The following RARB variants were observed in gnomAD, a reference collection of about 807,000 sequenced individuals.
RARB encodes retinoic acid receptor beta, also known as HBV-activated protein.
RARB carries 17 observed loss-of-function variants against 51.9 expected under a neutral mutation model. The ratio of observed to expected loss-of-function variants is 0.33; its 90% confidence interval spans 0.22 to 0.49. The LOEUF is 0.49. Among genes scored for constraint, RARB ranks in the 20% least tolerant of loss-of-function variants. The probability of loss-of-function intolerance (pLI) is 0.99; values close to 1 mark genes in which losing one functional copy is unlikely to be tolerated. For missense variants in RARB, 369 were observed against 550.8 expected (o/e 0.67, Z 3.30); for synonymous variants, 215 against 195.4 (o/e 1.10, Z -0.84).
intron 3 of RARB, among the ~76,000 whole-genome samples, chr3:25,508,797 T>A (rs996014174): frequency 6.6e-6 from 1 of 151,994 alleles, no homozygotes; most frequent in African/African-American, 2.4e-5. Flanking sequence ...CTTCCTACTT[T>A]TATACCTAAA....
intron 2 of RARB, among the ~76,000 whole-genome samples, chr3:24,930,057 T>G (rs1284458722): frequency 1.3e-5 from 2 of 152,220 alleles, no homozygotes; most frequent in East Asian, 3.9e-4. Context: ...CTCCTTTTGA[T>G]GTGAAATATA....
At chr3:24,971,407 A>G (rs1247000725) in intron 2 of RARB, among the ~76,000 whole-genome samples, 1 of 152,080 alleles carries the variant, frequency 6.6e-6, no homozygotes, top group Non-Finnish European at 1.5e-5. Flanking sequence ...AATTATCCTT[A>G]GAAGTTTTTG....
At chr3:25,090,750 A>C (rs1340020365) in intron 3 of RARB, among the ~76,000 whole-genome samples, 4 of 152,172 alleles carry the variant, frequency 2.6e-5, no homozygotes, top group African/African-American at 9.7e-5. Context: ...TCTAACTTTT[A>C]AACCATAAGC....
intron 5 of RARB, among the ~76,000 whole-genome samples, chr3:25,253,002 T>C (rs1461164520): frequency 6.6e-6 from 1 of 152,206 alleles, no homozygotes; most frequent in Non-Finnish European, 1.5e-5. Context: ...CCAATTTATG[T>C]GTCTGTGACT....
At chr3:24,856,816 A>T (rs77129398) in intron 1 of RARB, among the ~76,000 whole-genome samples, 1 of 152,172 alleles carries the variant, frequency 6.6e-6, no homozygotes, top group African/African-American at 2.4e-5. Flanking sequence ...GTCTGAGGCA[A>T]TACTTAAGGA....
At chr3:24,916,256 C>G (rs1217177349) in intron 2 of RARB, among the ~76,000 whole-genome samples, 1 of 151,924 alleles carries the variant, frequency 6.6e-6, no homozygotes, top group East Asian at 1.9e-4. Context: ...GTCATAGGTA[C>G]AAAAAGAGAA....
chr3:24,884,910 A>G (rs79110116), intron 2 of RARB, among the ~76,000 whole-genome samples: 8,999 of 152,252 alleles, frequency 0.059, 421 homozygotes, highest in East Asian at 0.15. Flanking sequence ...TACAGAGAAT[A>G]GGGACATGGG....
chr3:25,187,771 T>C lies in RARB; in HGVS notation c.178+13196T>C, dbSNP rs557867256. ...TGGAGAAAGAAAATTAATATCTCTTTTCTGTGAAATAATTTTGAACTTAGT... is the reference window on the plus strand; with the variant it reads ...TGGAGAAAGAAAATTAATATCTCTTCTCTGTGAAATAATTTTGAACTTAGT... On this transcript the variant is annotated intron_variant, in intron 5 of 11. Transcript: ENST00000383772. 8.5e-5 allele frequency among the ~76,000 whole-genome samples: 13 copies of C among 152,218 alleles called. No homozygotes were observed. In the East Asian group the frequency reaches 2.5e-3, roughly 29 times the overall value.
At chr3:24,978,563 T>G (rs1266673956) in intron 2 of RARB, among the ~76,000 whole-genome samples, 2 of 152,230 alleles carry the variant, frequency 1.3e-5, no homozygotes, top group African/African-American at 4.8e-5. Flanking sequence ...TAGTATTCTC[T>G]GATGGTAGTT....
At chr3:25,022,983 T>C (rs191134241) in intron 2 of RARB, among the ~76,000 whole-genome samples, 11 of 152,186 alleles carry the variant, frequency 7.2e-5, no homozygotes. Context: ...GCAAAGAAGA[T>C]TGATCAGATT....
At position 24,866,625 on chromosome 3, in the gene RARB, G is replaced by A. The variant is rs548713656; in HGVS notation, c.-380+7873G>A. Among the ~76,000 whole-genome samples the A allele has an allele frequency of 8.5e-5, 13 of 152,158 alleles. No homozygotes were observed. The South Asian group carries it at 1.9e-3, about 22-fold the overall frequency. On this transcript the variant is annotated intron_variant, in intron 2 of 11. Transcript: ENST00000383772. ...TCCCTCACCGGCCGAGGGGCTTCCAGGTCTTAGTTATCTGCAGGCCTCACA... is the reference window on the plus strand; with the variant it reads ...TCCCTCACCGGCCGAGGGGCTTCCAAGTCTTAGTTATCTGCAGGCCTCACA...
At chr3:25,043,236 G>A (rs1224947514) in intron 2 of RARB, among the ~76,000 whole-genome samples, 3 of 152,068 alleles carry the variant, frequency 2.0e-5, no homozygotes, top group Non-Finnish European at 2.9e-5. Context: ...CTTTTTTAAT[G>A]TTGGATTCAC....
At chr3:25,500,979 A>G (rs1258711787) in intron 2 of RARB, among the ~76,000 whole-genome samples, 2 of 152,190 alleles carry the variant, frequency 1.3e-5, no homozygotes, top group Non-Finnish European at 2.9e-5. Context: ...TCTAGTTTTG[A>G]TTAAAAGGGG....
chr3:25,326,810 G>A (rs1192600342), intron 5 of RARB, among the ~76,000 whole-genome samples: 1 of 144,232 alleles, frequency 6.9e-6, no homozygotes, highest in Non-Finnish European at 1.5e-5. Flanking sequence ...ACAAAATGTA[G>A]GATAAAAAGA....
chr3:25,283,534 C>G (rs764732907), intron 5 of RARB, among the ~76,000 whole-genome samples: 1 of 152,194 alleles, frequency 6.6e-6, no homozygotes, highest in African/African-American at 2.4e-5. Context: ...AACATAATAC[C>G]TGACACCTTA....
intron 5 of RARB, among the ~76,000 whole-genome samples, chr3:25,176,514 A>G (rs549457193): frequency 4.0e-5 from 6 of 150,378 alleles, no homozygotes; most frequent in African/African-American, 1.5e-4. Flanking sequence ...TCCCACCTCA[A>G]CCCTCTGAGT....
chr3:25,008,808 A>G (rs1010871877), intron 2 of RARB, among the ~76,000 whole-genome samples: 1 of 152,112 alleles, frequency 6.6e-6, no homozygotes, highest in Non-Finnish European at 1.5e-5. Flanking sequence ...TTTAATATGG[A>G]CATTCCCAAT....
chr3:24,941,799 C>G (rs758898079), intron 2 of RARB, among the ~76,000 whole-genome samples: 1 of 152,210 alleles, frequency 6.6e-6, no homozygotes, highest in Non-Finnish European at 1.5e-5. Flanking sequence ...CAGATTCCAT[C>G]TCCTCATAAA....
At chr3:25,080,625 T>C (rs1009520654) in intron 3 of RARB, among the ~76,000 whole-genome samples, 4 of 152,226 alleles carry the variant, frequency 2.6e-5, no homozygotes, top group African/African-American at 2.4e-5. Flanking sequence ...TGTGATGCTA[T>C]AGATCATTGA....
Sources: gnomAD v4.1 joint callset for allele counts (sites outside exome capture counted in the v4.1 genomes callset) on GRCh38, gnomAD v4.1.1 for gene constraint, MANE v1.5 for transcripts, NCBI Gene and HGNC (gene_info 2026-07-23, HGNC 2026-07-21) for gene names.